The following GABRA1 variants were observed in gnomAD, a reference collection of about 807,000 sequenced individuals.
The protein encoded by GABRA1 is gamma-aminobutyric acid type A receptor subunit alpha1.
In GABRA1, 9 loss-of-function variants were observed where a neutral mutation model predicts 48.9. The ratio of observed to expected loss-of-function variants is 0.18; its 90% confidence interval spans 0.11 to 0.32. The LOEUF is 0.32. Ranked by LOEUF, GABRA1 falls within the 10% of genes least tolerant of loss-of-function variation. GABRA1 has a pLI of 1.00. For synonymous variants in GABRA1, 210 were observed against 198.7 expected, an observed-to-expected ratio of 1.06 and a Z score of -0.48; for missense variants, 285 against 553.8, an observed-to-expected ratio of 0.51 and a Z score of 4.87.
chr5:161,866,037 A>T (rs1282836484), intron 4 of GABRA1, among the ~76,000 whole-genome samples: 1 of 152,056 alleles, frequency 6.6e-6, no homozygotes, highest in African/African-American at 2.4e-5. Context: ...AAAATATTTT[A>T]AATGATTGGT....
chr5:161,851,435 A>G (rs1757442530), intron 2 of GABRA1, among the ~76,000 whole-genome samples: 1 of 152,192 alleles, frequency 6.6e-6, no homozygotes, highest in Non-Finnish European at 1.5e-5. Flanking sequence ...TGGTAAAATC[A>G]AATTTCCCTA....
intron 3 of GABRA1, 21 bp from the exon 4 acceptor site, chr5:161,865,700 C>CT: frequency 6.2e-7 from 1 of 1,608,154 alleles, no homozygotes; most frequent in Non-Finnish European, 8.5e-7. Context: ...CACTCACTCG[C>CT]CCAATTTCCT....
At position 161,897,417 on chromosome 5, in the gene GABRA1, C is replaced by T. The variant is rs1755420995; in HGVS notation, c.1366C>T (p.Gln456Ter). 6.2e-7 allele frequency: 1 copy of T among 1,612,956 alleles called. No homozygotes were observed. The highest frequency in any genetic ancestry group is 8.5e-7 in the Non-Finnish European group (1 of 1,178,988). Residue 456 changes from glutamine (Q) to a stop codon, truncating the protein, a stop_gained, in exon 10 of 10, where the codon CAA becomes TAA. Transcript: ENST00000393943. LOFTEE classifies it high-confidence loss of function. ...TCAGCTAAAAGCCCCCACACCACAT[C>T]AATAGATCTTTTACTCACATTCTGT... is the stretch of plus-strand genomic sequence containing the variant. ...EPQLKAPTPH[Q>*]
intron 7 of GABRA1, among the ~76,000 whole-genome samples, chr5:161,889,414 G>A (rs1204008780): frequency 6.6e-6 from 1 of 152,024 alleles, no homozygotes; most frequent in Admixed American, 6.6e-5. Context: ...TACACGGCAA[G>A]AAAATAGCAG....
intron 4 of GABRA1, among the ~76,000 whole-genome samples, chr5:161,872,767 A>G (rs2113379537): frequency 1.3e-5 from 2 of 152,170 alleles, no homozygotes; most frequent in South Asian, 2.1e-4. Context: ...ATACCCTCTA[A>G]CATGAGTTTG....
chr5:161,850,641 G>A (rs1237165467), intron 1 of GABRA1, 155 bp from the exon 2 acceptor site: 1 of 669,586 alleles, frequency 1.5e-6, no homozygotes, highest in Non-Finnish European at 2.7e-6. Flanking sequence ...AGAATGGATG[G>A]TCCAGGTTTC....
chr5:161,877,290 A>C (rs1754402131), intron 6 of GABRA1, among the ~76,000 whole-genome samples: 1 of 152,150 alleles, frequency 6.6e-6, no homozygotes. Flanking sequence ...AAAAATCCTA[A>C]TTTGGAAAAT....
At chr5:161,862,900 A>G (rs910027878) in intron 3 of GABRA1, among the ~76,000 whole-genome samples, 28 of 151,906 alleles carry the variant, frequency 1.8e-4, no homozygotes, top group African/African-American at 6.3e-4. Context: ...TTGCACCTAA[A>G]ATCACATAGC....
At chr5:161,855,396 C>T (rs1757609534) in intron 3 of GABRA1, among the ~76,000 whole-genome samples, 1 of 151,514 alleles carries the variant, frequency 6.6e-6, no homozygotes, top group South Asian at 2.1e-4. Flanking sequence ...AGGGAAACTG[C>T]CTTGGCAAAG....
At chr5:161,854,557 C>T (rs1757574405) in intron 3 of GABRA1, among the ~76,000 whole-genome samples, 1 of 151,674 alleles carries the variant, frequency 6.6e-6, no homozygotes, top group Non-Finnish European at 1.5e-5. Flanking sequence ...TAGGTAAAAA[C>T]TGGGATAATA....
intron 8 of GABRA1, among the ~76,000 whole-genome samples, chr5:161,893,346 T>C (rs970952885): frequency 3.9e-5 from 6 of 152,168 alleles, no homozygotes; most frequent in Non-Finnish European, 7.4e-5. Context: ...GTTTCTAATA[T>C]TTTAAGTTCA....
chr5:161,858,707 A>G (rs1757743538), intron 3 of GABRA1, among the ~76,000 whole-genome samples: 2 of 151,792 alleles, frequency 1.3e-5, no homozygotes, highest in East Asian at 3.9e-4. Flanking sequence ...TAACTAGAAC[A>G]CAAACATGCT....
chr5:161,861,766 T>C (rs1008357085), intron 3 of GABRA1, among the ~76,000 whole-genome samples: 3 of 151,984 alleles, frequency 2.0e-5, no homozygotes, highest in East Asian at 1.9e-4. Flanking sequence ...GGAGTATACA[T>C]TGATGTTTAT....
chr5:161,869,102 G>T (rs1753998892), intron 4 of GABRA1, among the ~76,000 whole-genome samples: 1 of 152,128 alleles, frequency 6.6e-6, no homozygotes, highest in Non-Finnish European at 1.5e-5. Context: ...TAGGAGAATT[G>T]TGTACAAGAA....
At chr5:161,889,553 T>C (rs1054069294) in intron 7 of GABRA1, among the ~76,000 whole-genome samples, 1 of 152,048 alleles carries the variant, frequency 6.6e-6, no homozygotes, top group African/African-American at 2.4e-5. Flanking sequence ...AGCAAAATAT[T>C]CAGCTGCAGA....
intron 6 of GABRA1, among the ~76,000 whole-genome samples, chr5:161,878,663 A>G (rs997182330): frequency 1.3e-5 from 2 of 152,142 alleles, no homozygotes; most frequent in Non-Finnish European, 2.9e-5. Flanking sequence ...TTATGGATAA[A>G]GCTCTCTTTA....
Position 161,897,624 on chromosome 5 carries a change from G to A in GABRA1, c.*202G>A. ...CTATGCAGCTTGGAGACAGGATTCT[G>A]ACAGAGCAAGCGAAAGAGCAAAGTC... On this transcript the variant is annotated 3_prime_UTR_variant, in exon 10 of 10. Coordinates refer to ENST00000393943, the MANE Select transcript of GABRA1 (RefSeq NM_001127644.2). 1 of 582,740 alleles carries A rather than the reference G, an allele frequency of 1.7e-6. No individual in the cohort carries two copies. Among genetic ancestry groups the A allele is most frequent in the Non-Finnish European group, 3.0e-6 (1 of 333,110 alleles). The allele number at this position is 582,740 out of a possible 1,614,324, so 36.1% of individuals were successfully genotyped here. A position where few individuals can be genotyped will look rare whatever the true frequency, so the allele number is the denominator to read the frequency against.
chr5:161,882,816 G>T, intron 7 of GABRA1, 115 bp downstream of exon 7: 1 of 1,069,138 alleles, frequency 9.4e-7, no homozygotes. Flanking sequence ...TCACTAAATT[G>T]GGCATCAGTT....
At chr5:161,864,253 G>A (rs1262430376) in intron 3 of GABRA1, among the ~76,000 whole-genome samples, 1 of 151,784 alleles carries the variant, frequency 6.6e-6, no homozygotes, top group Non-Finnish European at 1.5e-5. Context: ...TGCGCATTGT[G>A]CAGGTTAGTT....
Sources: gnomAD v4.1 joint callset for allele counts (sites outside exome capture counted in the v4.1 genomes callset) on GRCh38, gnomAD v4.1.1 for gene constraint, MANE v1.5 for transcripts, NCBI Gene and HGNC (gene_info 2026-07-23, HGNC 2026-07-21) for gene names.